Variants in MBNL3 observed in about 807,000 individuals in gnomAD.
MBNL3 encodes muscleblind-like protein 3.
A neutral mutation model predicts 24.5 loss-of-function variants in MBNL3; 6 were observed. That is an observed-to-expected ratio of 0.25 (90% CI 0.13 to 0.48). The LOEUF (loss-of-function observed/expected upper bound fraction) is 0.48. Ranked by LOEUF, MBNL3 falls within the 20% of genes least tolerant of loss-of-function variation. MBNL3 has a pLI of 0.99. For missense variants in MBNL3, 230 were observed against 293.5 expected, an observed-to-expected ratio of 0.78 and a Z score of 1.58; for synonymous variants, 100 against 101.7, an observed-to-expected ratio of 0.98 and a Z score of 0.10.
intron 1 of MBNL3, among the ~76,000 whole-genome samples, chrX:132,478,691 A>G (rs1016118874): frequency 8.9e-6 from 1 of 112,387 alleles, no homozygotes; most frequent in Non-Finnish European, 1.9e-5. Context: ...TATTTAATGC[A>G]ATTCTGTTTA....
At chrX:132,407,884 G>A (rs1294327730) in intron 2 of MBNL3, among the ~76,000 whole-genome samples, 3 of 109,778 alleles carry the variant, frequency 2.7e-5, no homozygotes, top group Non-Finnish European at 3.8e-5. Context: ...AAGCATGCTA[G>A]TTTATACTTC....
In MBNL3 at chrX:132,390,240, A is replaced by G. The variant is rs184285244; in HGVS notation, c.771+607T>C. Among the ~76,000 whole-genome samples, 676 of 92,461 alleles carry G rather than the reference A, an allele frequency of 7.3e-3. 10 individuals are homozygous for G. The highest frequency in any genetic ancestry group is 0.027 in the African/African-American group (648 of 24,186). The allele number at this position is 92,461 out of a possible 115,157, so 80.3% of individuals were successfully genotyped here. A position where few individuals can be genotyped will look rare whatever the true frequency, so the allele number is the denominator to read the frequency against. The stretch of plus-strand genomic sequence containing the variant: ...AACACACAACCACCCCCACAAAACA[A>G]AACAAAACAAAACAACAACAACAAC... On this transcript the variant is annotated intron_variant, in intron 5 of 8. Transcript: ENST00000370853.
Position 132,426,618 on chromosome X carries a change from A to G in MBNL3, c.177+12817T>C, listed in dbSNP as rs1306137742. ...TCAGGTTATCCCCTCTGCCTGGAAT[A>G]CCTTCCTATTCCTTCTTCAAAGAAC... On this transcript the variant is annotated intron_variant, in intron 2 of 8. Coordinates refer to ENST00000370853, the MANE Select transcript of MBNL3 (RefSeq NM_001386889.1). Among the ~76,000 whole-genome samples the G allele has an allele frequency of 3.6e-5, 4 of 111,052 alleles. No individual in the cohort carries two copies. The East Asian group carries it at 1.1e-3, about 32-fold the overall frequency.
At position 132,384,451 on chromosome X, in the gene MBNL3, C is replaced by A. The variant is rs183720820; in HGVS notation, c.958+212G>T. On this transcript the variant is annotated intron_variant, in intron 7 of 8. Coordinates refer to ENST00000370853, the MANE Select transcript of MBNL3 (RefSeq NM_001386889.1). The stretch of plus-strand genomic sequence containing the variant: ...GGTAGAAATAGAGAAATGACAGGGC[C>A]AGTATTTGGCCACAGTGGCAACCAA... Among the ~76,000 whole-genome samples, 1,040 of 111,544 alleles carry A rather than the reference C, an allele frequency of 9.3e-3. 8 individuals carry two copies. The highest frequency in any genetic ancestry group is 0.013 in the Non-Finnish European group (685 of 53,067).
chrX:132,467,932 C>G (rs190885790), intron 1 of MBNL3, among the ~76,000 whole-genome samples: 1 of 112,043 alleles, frequency 8.9e-6, no homozygotes, highest in Admixed American at 9.5e-5. Flanking sequence ...TGTTATTATT[C>G]TAAATTACTT....
chrX:132,460,305 C>A (rs1946566417), intron 1 of MBNL3, among the ~76,000 whole-genome samples: 1 of 111,569 alleles, frequency 9.0e-6, no homozygotes, highest in Non-Finnish European at 1.9e-5. Flanking sequence ...CTTAAGAGAA[C>A]AAGAGAAACA....
chrX:132,479,502 CTTTT>C (rs1194304233), intron 1 of MBNL3, among the ~76,000 whole-genome samples: 1 of 111,748 alleles, frequency 8.9e-6, no homozygotes, highest in Non-Finnish European at 1.9e-5. Flanking sequence ...TCATCAGCCG[CTTTT>C]TTGTTTATAA....
At chrX:132,428,404 G>A (rs1944476556) in intron 2 of MBNL3, among the ~76,000 whole-genome samples, 1 of 109,842 alleles carries the variant, frequency 9.1e-6, no homozygotes, top group East Asian at 2.9e-4. Context: ...AGATAAACTT[G>A]TAATGACATC....
intron 5 of MBNL3, among the ~76,000 whole-genome samples, chrX:132,388,759 A>C (rs1936591604): frequency 9.0e-6 from 1 of 110,973 alleles, no homozygotes; most frequent in Non-Finnish European, 1.9e-5. Flanking sequence ...TTTTAAATAC[A>C]AGCTGCTTTC....
intron 2 of MBNL3, among the ~76,000 whole-genome samples, chrX:132,421,428 A>G (rs1943806016): frequency 9.0e-6 from 1 of 111,628 alleles, no homozygotes; most frequent in Admixed American, 9.5e-5. Flanking sequence ...TAGGAAACTG[A>G]GGACACTTCT....
At chrX:132,438,372 G>A (rs910704416) in intron 2 of MBNL3, among the ~76,000 whole-genome samples, 5 of 111,437 alleles carry the variant, frequency 4.5e-5, no homozygotes, top group Non-Finnish European at 9.4e-5. Flanking sequence ...TATCGCTTAA[G>A]AAAATGTTTC....
At chrX:132,382,396 G>T in intron 7 of MBNL3, 124 bp from the exon 8 acceptor site, 1 of 464,092 alleles carries the variant, frequency 2.2e-6, no homozygotes, top group Non-Finnish European at 3.7e-6. Context: ...TCATAACGAT[G>T]AATACATCAG....
intron 2 of MBNL3, among the ~76,000 whole-genome samples, chrX:132,416,634 A>G (rs1455080038): frequency 1.8e-5 from 2 of 112,191 alleles, no homozygotes; most frequent in African/African-American, 3.2e-5. Flanking sequence ...GAGGTGATAG[A>G]TATCCCAATT....
In MBNL3 at chrX:132,379,022, A is replaced by T. The variant is rs191433415; in HGVS notation, c.*644T>A. 8.9e-6 allele frequency: 1 copy of T among 112,203 alleles called. No individual in the cohort carries two copies. The highest frequency in any genetic ancestry group is 2.8e-4 in the East Asian group (1 of 3,577). 9.2% of individuals were successfully genotyped at this position (112,203 alleles called of 1,213,427 possible). On this transcript the variant is annotated 3_prime_UTR_variant, in exon 9 of 9. Coordinates refer to ENST00000370853, the MANE Select transcript of MBNL3 (RefSeq NM_001386889.1). ...GTGAGGCGTTTTAAATGTCAGTCCC[A>T]AGAAACCTACAGAAATATTCTAAAG...
intron 2 of MBNL3, among the ~76,000 whole-genome samples, chrX:132,420,297 A>T (rs1943678997): frequency 8.9e-6 from 1 of 112,182 alleles, no homozygotes; most frequent in African/African-American, 3.2e-5. Flanking sequence ...GGAGCGCAGC[A>T]GACACCCTGC....
chrX:132,375,408 T>A lies in MBNL3; in HGVS notation c.*4258A>T, dbSNP rs1216204778. On this transcript the variant is annotated 3_prime_UTR_variant, in exon 9 of 9. Transcript: ENST00000370853. ...AGCTAGGCGGGCAGAATCCATGCAGTAAAAGCTTAAACTTTCTTTAACTTT... is the reference window on the plus strand; with the variant it reads ...AGCTAGGCGGGCAGAATCCATGCAGAAAAAGCTTAAACTTTCTTTAACTTT... 9.0e-6 allele frequency: 1 copy of A among 111,487 alleles called. No homozygotes were observed. The highest frequency in any genetic ancestry group is 3.3e-5 in the African/African-American group (1 of 30,679). 9.2% of individuals were successfully genotyped at this position (111,487 alleles called of 1,213,427 possible). A position where few individuals can be genotyped will look rare whatever the true frequency, so the allele number is the denominator to read the frequency against.
intron 1 of MBNL3, among the ~76,000 whole-genome samples, chrX:132,445,434 T>C (rs149242845): frequency 1.4e-3 from 160 of 111,102 alleles, no homozygotes; most frequent in African/African-American, 4.9e-3. Flanking sequence ...CCAAGTCTTC[T>C]GTCCAGAAAA....
chrX:132,483,530 G>C (rs1433773833), intron 1 of MBNL3, among the ~76,000 whole-genome samples: 1 of 111,133 alleles, frequency 9.0e-6, no homozygotes, highest in Admixed American at 9.5e-5. Flanking sequence ...TTGCTTTCCT[G>C]CGTAGAAGCT....
At position 132,371,992 on chromosome X, in the gene MBNL3, A is replaced by T. The variant is rs1933650911; in HGVS notation, c.*7674T>A. The T allele has an allele frequency of 9.0e-6, 1 of 111,506 alleles. No homozygotes were observed. The highest frequency in any genetic ancestry group is 9.6e-5 in the Admixed American group (1 of 10,419). 9.2% of individuals were successfully genotyped at this position (111,506 alleles called of 1,213,427 possible). On this transcript the variant is annotated 3_prime_UTR_variant, in exon 9 of 9. Transcript: ENST00000370853. ...TGTGTGAATATGGATTCATAAAAAA[A>T]GACATAACCAAGAAGTTTATGCATT...
Sources: allele counts gnomAD v4.1 joint callset (sites outside exome capture counted in the v4.1 genomes callset), GRCh38; gene constraint gnomAD v4.1.1; transcripts MANE v1.5; gene names NCBI Gene and HGNC (gene_info 2026-07-23, HGNC 2026-07-21).